Variants in SCTR observed in about 807,000 individuals in gnomAD.
SCTR encodes pancreatic secretin receptor.
SCTR carries 56 observed loss-of-function variants against 60.8 expected under a neutral mutation model. The ratio of observed to expected loss-of-function variants is 0.92; its 90% confidence interval spans 0.74 to 1.15. SCTR has a LOEUF of 1.15. Ranked by LOEUF, SCTR falls within the 50% of genes most tolerant of loss-of-function variation. SCTR has a pLI of 0.00. For synonymous variants in SCTR, 202 were observed against 217.0 expected, an observed-to-expected ratio of 0.93 and a Z score of 0.61; for missense variants, 562 against 550.4, an observed-to-expected ratio of 1.02 and a Z score of -0.21.
intron 1 of SCTR, among the ~76,000 whole-genome samples, chr2:119,509,229 G>A (rs946583051): frequency 6.6e-6 from 1 of 152,134 alleles, no homozygotes; most frequent in South Asian, 2.1e-4. Context: ...CCCAGGGGAT[G>A]GAGCCAAGCC....
At chr2:119,491,581 G>A (rs567011957) in intron 2 of SCTR, among the ~76,000 whole-genome samples, 2 of 151,990 alleles carry the variant, frequency 1.3e-5, no homozygotes, top group African/African-American at 4.8e-5. Flanking sequence ...GTGCGATCTT[G>A]GCTCACTGCA....
intron 8 of SCTR, 91 bp downstream of exon 8, chr2:119,453,196 T>C (rs1254578399): frequency 9.9e-7 from 1 of 1,011,186 alleles, no homozygotes; most frequent in Non-Finnish European, 1.6e-6. Context: ...GAAAAAGGCC[T>C]TTCCTAGATA....
intron 10 of SCTR, among the ~76,000 whole-genome samples, chr2:119,448,312 A>G (rs1027056675): frequency 2.6e-5 from 4 of 152,212 alleles, no homozygotes; most frequent in African/African-American, 9.6e-5. Context: ...GTGTTTTTGG[A>G]TCACGCACTT....
intron 1 of SCTR, among the ~76,000 whole-genome samples, chr2:119,494,877 T>G (rs75261783): frequency 0.025 from 3,795 of 152,350 alleles, 164 homozygotes; most frequent in African/African-American, 0.086. Flanking sequence ...TTTATGCTAC[T>G]CCAACTGTGT....
At chr2:119,487,701 C>T (rs142662853) in intron 2 of SCTR, among the ~76,000 whole-genome samples, 2 of 152,306 alleles carry the variant, frequency 1.3e-5, no homozygotes, top group Non-Finnish European at 1.5e-5. Flanking sequence ...GACCCTGAAA[C>T]GTTCCCAGAA....
chr2:119,464,372 G>C, intron 5 of SCTR, 117 bp from the exon 6 acceptor site: 1 of 961,956 alleles, frequency 1.0e-6, no homozygotes, highest in South Asian at 1.5e-5. Flanking sequence ...AGCTCTTTCC[G>C]GGTAACACAT....
Position 119,458,345 on chromosome 2 carries a change from T to C in SCTR, c.790+3502A>G, listed in dbSNP as rs186457867. Among the ~76,000 whole-genome samples the C allele has an allele frequency of 1.0e-2, 1,486 of 149,310 alleles. 23 individuals are homozygous for C. Among genetic ancestry groups the C allele is most frequent in the African/African-American group, 0.034 (1,398 of 40,522 alleles). ...AGCCGGGCGTGGTGGCTCACGCCTG[T>C]AATCCCAGCACTTTGGGAGGCCGAG... is the stretch of plus-strand genomic sequence containing the variant. On this transcript the variant is annotated intron_variant, in intron 7 of 12. Transcript: ENST00000019103.
intron 1 of SCTR, among the ~76,000 whole-genome samples, chr2:119,521,202 G>A (rs996284606): frequency 6.6e-6 from 1 of 152,148 alleles, no homozygotes; most frequent in Non-Finnish European, 1.5e-5. Flanking sequence ...AAATGTCATG[G>A]ATTAAAAAGC....
At chr2:119,471,167 C>T (rs1410365498) in intron 4 of SCTR, among the ~76,000 whole-genome samples, 1 of 152,152 alleles carries the variant, frequency 6.6e-6, no homozygotes, top group Non-Finnish European at 1.5e-5. Flanking sequence ...TTACGCAAGC[C>T]ACATGTGCTT....
intron 1 of SCTR, among the ~76,000 whole-genome samples, chr2:119,521,303 T>G (rs1174660040): frequency 6.6e-6 from 1 of 152,238 alleles, no homozygotes; most frequent in Non-Finnish European, 1.5e-5. Context: ...TTCTTCCTTA[T>G]TTGTTGCTGC....
At chr2:119,494,932 G>A (rs926370305) in intron 1 of SCTR, among the ~76,000 whole-genome samples, 1 of 151,958 alleles carries the variant, frequency 6.6e-6, no homozygotes, top group African/African-American at 2.4e-5. Context: ...GTTTTCTTTG[G>A]TCTTGTTTTC....
intron 1 of SCTR, among the ~76,000 whole-genome samples, chr2:119,502,807 C>G (rs1573912282): frequency 7.3e-6 from 1 of 137,156 alleles, no homozygotes; most frequent in Admixed American, 7.5e-5. Context: ...ACCTGGGCGA[C>G]AGAGTGAGAC....
intron 2 of SCTR, among the ~76,000 whole-genome samples, chr2:119,482,634 G>A (rs1317197523): frequency 6.6e-6 from 1 of 152,190 alleles, no homozygotes; most frequent in Non-Finnish European, 1.5e-5. Flanking sequence ...CCCAGGGACG[G>A]CTCCGCCACT....
intron 9 of SCTR, among the ~76,000 whole-genome samples, chr2:119,450,106 T>TAAAA (rs1683101213): frequency 8.0e-6 from 1 of 124,834 alleles, no homozygotes; most frequent in African/African-American, 3.2e-5. Flanking sequence ...AATAAATAAA[T>TAAAA]GGAGGGAGGG....
At chr2:119,483,200 G>A (rs1573878661) in intron 2 of SCTR, among the ~76,000 whole-genome samples, 1 of 152,236 alleles carries the variant, frequency 6.6e-6, no homozygotes, top group African/African-American at 2.4e-5. Context: ...GGGATGCCTG[G>A]GGACAGGCCA....
chr2:119,481,579 C>G (rs1159067486), intron 2 of SCTR, among the ~76,000 whole-genome samples: 1 of 152,218 alleles, frequency 6.6e-6, no homozygotes, highest in African/African-American at 2.4e-5. Context: ...TAGCCCTACC[C>G]CTGGCTCCCA....
Position 119,440,128 on chromosome 2 carries a change from T to C in SCTR, c.1312A>G (p.Ser438Gly). 1 of 1,613,868 alleles carries C rather than the reference T, an allele frequency of 6.2e-7. No homozygotes were observed. Among genetic ancestry groups the C allele is most frequent in the Non-Finnish European group, 8.5e-7 (1 of 1,179,928 alleles). The change falls in exon 13 of 13, where the codon AGC becomes GGC. Residue 438 changes from serine to glycine, a missense_variant. Transcript: ENST00000019103. ...CCTGCTCCAGCCTCTCAGATGATGC[T>C]GGTCCTGCAGGTGCCCTGGCTCTGC... ...LEQSQGTCRT[S>G]II
At chr2:119,482,970 T>G (rs1437713970) in intron 2 of SCTR, among the ~76,000 whole-genome samples, 3 of 152,218 alleles carry the variant, frequency 2.0e-5, no homozygotes, top group African/African-American at 7.2e-5. Context: ...TGGAAGCAGC[T>G]GGGGCATTTC....
intron 1 of SCTR, among the ~76,000 whole-genome samples, chr2:119,511,586 C>T (rs1678932779): frequency 6.6e-6 from 1 of 152,178 alleles, no homozygotes; most frequent in Non-Finnish European, 1.5e-5. Context: ...CATCTATCCA[C>T]AGTCCTATTG....
Sources: allele counts gnomAD v4.1 joint callset (sites outside exome capture counted in the v4.1 genomes callset), GRCh38; gene constraint gnomAD v4.1.1; transcripts MANE v1.5; gene names NCBI Gene and HGNC (gene_info 2026-07-23, HGNC 2026-07-21).